Variants in SIPA1L1 observed in about 807,000 individuals in gnomAD.
SIPA1L1 encodes the protein signal induced proliferation associated 1 like 1, also known as signal-induced proliferation-associated 1-like protein 1.
In SIPA1L1, 26 loss-of-function variants were observed where a neutral mutation model predicts 162.7. The ratio of observed to expected loss-of-function variants is 0.16; its 90% confidence interval spans 0.12 to 0.22. The LOEUF (loss-of-function observed/expected upper bound fraction) is 0.22, where lower values mean the gene tolerates loss of function less well. Ranked by LOEUF, SIPA1L1 falls within the 10% of genes least tolerant of loss-of-function variation. SIPA1L1 has a pLI of 1.00. For synonymous variants in SIPA1L1, 829 were observed against 837.4 expected, an observed-to-expected ratio of 0.99 and a Z score of 0.17; for missense variants, 1,874 against 2,241.0, an observed-to-expected ratio of 0.84 and a Z score of 3.31.
In SIPA1L1 at chr14:71,478,183, G is replaced by A. The variant is rs1482022966; in HGVS notation, c.-464-34560G>A. Among the ~76,000 whole-genome samples the A allele has an allele frequency of 2.6e-5, 4 of 152,210 alleles. No individual in the cohort carries two copies. The East Asian group carries it at 7.7e-4, about 29-fold the overall frequency. On this transcript the variant is annotated intron_variant, in intron 2 of 23. Coordinates refer to ENST00000381232, the MANE Select transcript of SIPA1L1 (RefSeq NM_001386936.1). ...GTATATCTTTTTTGATGAAGCATCTGTTCAAGGTTTTAAATAACCACTTTT... is the reference window on the plus strand; with the variant it reads ...GTATATCTTTTTTGATGAAGCATCTATTCAAGGTTTTAAATAACCACTTTT...
intron 4 of SIPA1L1, among the ~76,000 whole-genome samples, chr14:71,543,960 T>TATGTATATATACACATACGCAC (rs1567179318): frequency 1.3e-5 from 2 of 149,644 alleles, no homozygotes; most frequent in Non-Finnish European, 3.0e-5. Context: ...TACGCACATG[T>TATGTATATATACACATACGCAC]ATGTATATAT....
intron 13 of SIPA1L1, among the ~76,000 whole-genome samples, chr14:71,698,147 C>T (rs1367492217): frequency 6.6e-6 from 1 of 152,186 alleles, no homozygotes; most frequent in African/African-American, 2.4e-5. Context: ...AAAATACCAT[C>T]GTTACTAAGG....
At chr14:71,491,698 G>C (rs1452132837) in intron 2 of SIPA1L1, among the ~76,000 whole-genome samples, 1 of 149,080 alleles carries the variant, frequency 6.7e-6, no homozygotes, top group Non-Finnish European at 1.5e-5. Context: ...AGCCTGCCTT[G>C]GCTTCCCAAA....
chr14:71,542,883 C>T (rs541532848), intron 4 of SIPA1L1, among the ~76,000 whole-genome samples: 7 of 151,866 alleles, frequency 4.6e-5, no homozygotes, highest in Non-Finnish European at 8.8e-5. Context: ...TGTGCCCTGC[C>T]CCTTCATTTC....
At chr14:71,532,345 G>A (rs895001007) in intron 4 of SIPA1L1, among the ~76,000 whole-genome samples, 1 of 152,138 alleles carries the variant, frequency 6.6e-6, no homozygotes, top group African/African-American at 2.4e-5. Context: ...TTGTGGAATG[G>A]AGTCTTCTTC....
chr14:71,591,760 A>C (rs970920142), intron 5 of SIPA1L1, among the ~76,000 whole-genome samples: 1 of 152,228 alleles, frequency 6.6e-6, no homozygotes, highest in Non-Finnish European at 1.5e-5. Flanking sequence ...TTAATAGGCT[A>C]AACCATAAGA....
intron 2 of SIPA1L1, among the ~76,000 whole-genome samples, chr14:71,424,313 A>G (rs926147196): frequency 6.6e-6 from 1 of 152,102 alleles, no homozygotes; most frequent in Non-Finnish European, 1.5e-5. Flanking sequence ...ACTAGGTTGA[A>G]TAGAAGTGAT....
intron 2 of SIPA1L1, among the ~76,000 whole-genome samples, chr14:71,364,355 G>T: frequency 6.6e-6 from 1 of 152,072 alleles, no homozygotes. Flanking sequence ...TTTCCCAAAT[G>T]TTCCCCTCCC....
At chr14:71,446,921 T>TG (rs2045435727) in intron 2 of SIPA1L1, among the ~76,000 whole-genome samples, 3 of 112,582 alleles carry the variant, frequency 2.7e-5, no homozygotes, top group African/African-American at 1.1e-4. Context: ...TTTTTTTTTT[T>TG]TTTTTTTTGA....
At chr14:71,504,011 T>C (rs1245800919) in intron 2 of SIPA1L1, 2 of 151,988 alleles carry the variant, frequency 1.3e-5, no homozygotes, top group East Asian at 3.9e-4. Context: ...TACCATGTTG[T>C]CCAGGCTGGT....
intron 15 of SIPA1L1, 45 bp downstream of exon 15, chr14:71,702,550 G>T: frequency 6.3e-7 from 1 of 1,582,874 alleles, no homozygotes; most frequent in South Asian, 1.1e-5. Flanking sequence ...TTTACAAGGT[G>T]ACTTAGGTCA....
rs2082149433 is a variant in SIPA1L1, at chr14:71,702,318, A to G, written c.3522-63A>G. On this transcript the variant is annotated intron_variant, in intron 14 of 23. Coordinates refer to ENST00000381232, the MANE Select transcript of SIPA1L1 (RefSeq NM_001386936.1). ...TAAAATTTAGTTCATTACACCCAGG[A>G]CTGCCTTCCCCTCATGGGTAAGGTC... 3.8e-6 allele frequency: 6 copies of G among 1,586,370 alleles called. 1 individual carries two copies. Among genetic ancestry groups the G allele is most frequent in the African/African-American group, 2.7e-5 (2 of 74,216 alleles).
At chr14:71,667,014 T>G (rs1043655556) in intron 10 of SIPA1L1, among the ~76,000 whole-genome samples, 3 of 152,210 alleles carry the variant, frequency 2.0e-5, no homozygotes. Context: ...GCAGCTGACC[T>G]TTCTAAGACA....
At chr14:71,623,506 A>G (rs1159232714) in intron 6 of SIPA1L1, among the ~76,000 whole-genome samples, 3 of 152,330 alleles carry the variant, frequency 2.0e-5, no homozygotes, top group Middle Eastern at 3.4e-3. Context: ...TTCAGCTGCT[A>G]TTGCCTGTGC....
intron 2 of SIPA1L1, among the ~76,000 whole-genome samples, chr14:71,351,033 T>G (rs2036652000): frequency 6.6e-6 from 1 of 152,186 alleles, no homozygotes; most frequent in African/African-American, 2.4e-5. Flanking sequence ...GTTAACAAAT[T>G]TATATGTGAA....
At chr14:71,648,976 A>G (rs1220494973) in intron 7 of SIPA1L1, among the ~76,000 whole-genome samples, 2 of 152,208 alleles carry the variant, frequency 1.3e-5, no homozygotes, top group Non-Finnish European at 2.9e-5. Flanking sequence ...CTTGTGGGCT[A>G]TTGTGAGAGT....
At chr14:71,711,085 T>C (rs570616834) in intron 17 of SIPA1L1, among the ~76,000 whole-genome samples, 64 of 152,188 alleles carry the variant, frequency 4.2e-4, no homozygotes, top group Non-Finnish European at 8.2e-4. Context: ...ACTAGTTTTG[T>C]TTCTGTTTAC....
chr14:71,387,163 G>A (rs1404775037), intron 2 of SIPA1L1, among the ~76,000 whole-genome samples: 1 of 148,936 alleles, frequency 6.7e-6, no homozygotes, highest in African/African-American at 2.5e-5. Context: ...CAGAAGAATT[G>A]CGTGAATCTG....
intron 19 of SIPA1L1, among the ~76,000 whole-genome samples, chr14:71,726,436 G>A (rs181624342): frequency 7.4e-4 from 113 of 152,308 alleles, no homozygotes; most frequent in Non-Finnish European, 1.2e-3. Flanking sequence ...TGCCCTGAAG[G>A]GAGTTTTTCT....
Sources: allele counts gnomAD v4.1 joint callset (sites outside exome capture counted in the v4.1 genomes callset), GRCh38; gene constraint gnomAD v4.1.1; transcripts MANE v1.5; gene names NCBI Gene and HGNC (gene_info 2026-07-23, HGNC 2026-07-21).